The following CADM2 variants were observed in gnomAD, a reference collection of about 807,000 sequenced individuals.
CADM2 encodes cell adhesion molecule 2.
Under a neutral mutation model 49.8 loss-of-function variants are expected in CADM2, and 12 were observed. The observed-to-expected ratio is 0.24, with a 90% CI of 0.15 to 0.39. The LOEUF (loss-of-function observed/expected upper bound fraction) is 0.39. Among genes scored for constraint, CADM2 ranks in the 10% least tolerant of loss-of-function variants. The probability of loss-of-function intolerance (pLI) is 1.00; values close to 1 mark genes in which losing one functional copy is unlikely to be tolerated. For synonymous variants in CADM2, 214 were observed against 175.4 expected, an observed-to-expected ratio of 1.22 and a Z score of -1.74; for missense variants, 378 against 492.3, an observed-to-expected ratio of 0.77 and a Z score of 2.20.
intron 2 of CADM2, among the ~76,000 whole-genome samples, chr3:85,747,166 T>C (rs1329812451): frequency 6.6e-6 from 1 of 152,124 alleles, no homozygotes; most frequent in Non-Finnish European, 1.5e-5. Context: ...TGTTTACCAA[T>C]TCACCAACAC....
chr3:85,761,963 A>G (rs1036916525), intron 2 of CADM2, among the ~76,000 whole-genome samples: 1 of 152,172 alleles, frequency 6.6e-6, no homozygotes, highest in Non-Finnish European at 1.5e-5. Context: ...GTACACACCA[A>G]CAGCCACTCC....
chr3:85,726,429 T>G, intron 1 of CADM2, 93 bp from the exon 2 acceptor site: 4 of 1,341,096 alleles, frequency 3.0e-6, no homozygotes, highest in Admixed American at 1.7e-5. Context: ...CTTTAGACTT[T>G]AATAGCAATA....
At chr3:85,842,682 G>A (rs1359588052) in intron 3 of CADM2, among the ~76,000 whole-genome samples, 1 of 152,046 alleles carries the variant, frequency 6.6e-6, no homozygotes, top group Non-Finnish European at 1.5e-5. Context: ...CTAGGATTGA[G>A]GATAAAGAGA....
At chr3:85,493,013 A>G (rs2039741195) in intron 1 of CADM2, among the ~76,000 whole-genome samples, 1 of 152,184 alleles carries the variant, frequency 6.6e-6, no homozygotes, top group South Asian at 2.1e-4. Context: ...GAAAGAGACC[A>G]TTACATATGG....
At chr3:85,390,465 C>G (rs542431530) in intron 1 of CADM2, among the ~76,000 whole-genome samples, 2 of 152,172 alleles carry the variant, frequency 1.3e-5, no homozygotes, top group South Asian at 2.1e-4. Flanking sequence ...AAAACTTTCT[C>G]TGAACTCTGC....
chr3:85,847,226 C>T (rs1418303517), intron 3 of CADM2, among the ~76,000 whole-genome samples: 1 of 152,158 alleles, frequency 6.6e-6, no homozygotes, highest in African/African-American at 2.4e-5. Flanking sequence ...CTAGAACACA[C>T]TAAGAGGCTT....
intron 1 of CADM2, among the ~76,000 whole-genome samples, chr3:84,998,689 C>T (rs1460261633): frequency 6.6e-6 from 1 of 151,996 alleles, no homozygotes; most frequent in Admixed American, 6.6e-5. Flanking sequence ...TGGTAAGAGC[C>T]TTATAAAAAG....
In CADM2 at chr3:85,773,774, C is replaced by A. The variant is rs189956373; in HGVS notation, c.89-28273C>A. 5.9e-5 allele frequency among the ~76,000 whole-genome samples: 9 copies of A among 152,062 alleles called. No homozygotes were observed. The East Asian group carries it at 1.5e-3, about 26-fold the overall frequency. ...TGCTGGGGTTCGTGCCAATCTTGAT[C>A]ATTCCTGATCCTCAGTATTAAAAAT... On this transcript the variant is annotated intron_variant, in intron 2 of 9. Transcript: ENST00000383699.
intron 3 of CADM2, among the ~76,000 whole-genome samples, chr3:85,877,467 A>C (rs1015362900): frequency 6.6e-6 from 1 of 152,096 alleles, no homozygotes; most frequent in Non-Finnish European, 1.5e-5. Context: ...GACCTGCTAC[A>C]TAGAAAAGTT....
At chr3:85,513,575 CA>C (rs897699121) in intron 1 of CADM2, among the ~76,000 whole-genome samples, 9 of 151,902 alleles carry the variant, frequency 5.9e-5, no homozygotes, top group Non-Finnish European at 1.0e-4. Flanking sequence ...AAAACCTCAA[CA>C]GCAAAATATT....
intron 7 of CADM2, among the ~76,000 whole-genome samples, chr3:85,945,424 T>C (rs1559758621): frequency 6.6e-6 from 1 of 152,098 alleles, no homozygotes; most frequent in Non-Finnish European, 1.5e-5. Flanking sequence ...CCCAACTCGT[T>C]TTATGAGGCC....
chr3:85,669,423 A>G (rs1559581974), intron 1 of CADM2, among the ~76,000 whole-genome samples: 1 of 152,182 alleles, frequency 6.6e-6, no homozygotes, highest in Non-Finnish European at 1.5e-5. Context: ...AGTATTGAGC[A>G]TATAGAGTGT....
intron 1 of CADM2, among the ~76,000 whole-genome samples, chr3:85,394,901 T>C (rs1328385590): frequency 2.0e-5 from 3 of 152,242 alleles, no homozygotes; most frequent in African/African-American, 4.8e-5. Context: ...AAGACAAAAA[T>C]ATATTCTCCA....
chr3:85,933,560 G>A (rs1310756178), intron 6 of CADM2, among the ~76,000 whole-genome samples: 1 of 152,076 alleles, frequency 6.6e-6, no homozygotes, highest in African/African-American at 2.4e-5. Flanking sequence ...GGAGCCAATA[G>A]GCTGTACATA....
At chr3:85,906,869 A>G (rs910156269) in intron 5 of CADM2, among the ~76,000 whole-genome samples, 1 of 151,588 alleles carries the variant, frequency 6.6e-6, no homozygotes, top group Admixed American at 6.5e-5. Flanking sequence ...TAACCTTAAG[A>G]CACACACAAA....
At chr3:85,395,939 A>T (rs1459801953) in intron 1 of CADM2, among the ~76,000 whole-genome samples, 1 of 148,596 alleles carries the variant, frequency 6.7e-6, no homozygotes, top group Non-Finnish European at 1.5e-5. Flanking sequence ...ATTATAAAAT[A>T]TTATAATTTA....
chr3:85,693,465 A>G (rs1416161295), intron 1 of CADM2, among the ~76,000 whole-genome samples: 3 of 150,958 alleles, frequency 2.0e-5, no homozygotes, highest in African/African-American at 7.3e-5. Context: ...CTGTAGTCCC[A>G]GCAACTCTGG....
At chr3:85,361,662 C>G (rs992703386) in intron 1 of CADM2, among the ~76,000 whole-genome samples, 4 of 152,152 alleles carry the variant, frequency 2.6e-5, no homozygotes, top group Non-Finnish European at 4.4e-5. Context: ...ATCTAAGTTC[C>G]TTTCCTCTTG....
At chr3:85,470,256 G>T (rs1406330528) in intron 1 of CADM2, among the ~76,000 whole-genome samples, 1 of 152,154 alleles carries the variant, frequency 6.6e-6, no homozygotes, top group African/African-American at 2.4e-5. Context: ...AAGAATATAT[G>T]CATCTTAAGG....
Sources: gnomAD v4.1 joint callset for allele counts (sites outside exome capture counted in the v4.1 genomes callset) on GRCh38, gnomAD v4.1.1 for gene constraint, MANE v1.5 for transcripts, NCBI Gene and HGNC (gene_info 2026-07-23, HGNC 2026-07-21) for gene names.